The following MAST2 variants were observed in gnomAD, a reference collection of about 807,000 sequenced individuals.
MAST2 encodes the protein microtubule-associated serine/threonine-protein kinase 2.
A neutral mutation model predicts 147.4 loss-of-function variants in MAST2; 70 were observed. The ratio of observed to expected loss-of-function variants is 0.47; its 90% CI spans 0.39 to 0.58. The LOEUF (loss-of-function observed/expected upper bound fraction) is 0.58, where lower values mean the gene tolerates loss of function less well. Ranked by LOEUF, MAST2 falls within the 20% of genes least tolerant of loss-of-function variation. MAST2 has a pLI of 0.00. For missense variants in MAST2, 2,080 were observed against 2,302.3 expected (o/e 0.90, Z 1.98); for synonymous variants, 869 against 896.8 (o/e 0.97, Z 0.55).
At chr1:45,936,211 G>T (rs1294950139) in intron 4 of MAST2, among the ~76,000 whole-genome samples, 1 of 152,142 alleles carries the variant, frequency 6.6e-6, no homozygotes, top group East Asian at 1.9e-4. Flanking sequence ...TCATTGGAGT[G>T]TAGAATCACT....
chr1:46,026,663 T>G (rs1646426621), intron 16 of MAST2, among the ~76,000 whole-genome samples: 1 of 145,314 alleles, frequency 6.9e-6, no homozygotes, highest in African/African-American at 2.6e-5. Context: ...AGAAGAGGGG[T>G]AGTGTGGGGA....
intron 4 of MAST2, among the ~76,000 whole-genome samples, chr1:45,919,796 T>G (rs11211226): frequency 0.44 from 66,601 of 150,664 alleles, 14,794 homozygotes; most frequent in East Asian, 0.63. Flanking sequence ...TTCATGTTTT[T>G]TTTTTTTTTT....
intron 2 of MAST2, among the ~76,000 whole-genome samples, chr1:45,824,973 A>C (rs1425942068): frequency 6.6e-6 from 1 of 152,260 alleles, no homozygotes; most frequent in Non-Finnish European, 1.5e-5. Flanking sequence ...AATTATACGA[A>C]GAAGTCACAG....
chr1:45,828,902 C>T (rs1344479590), intron 2 of MAST2, among the ~76,000 whole-genome samples: 11 of 151,006 alleles, frequency 7.3e-5, no homozygotes, highest in Non-Finnish European at 1.3e-4. Context: ...CCAGCCTGGG[C>T]GACAGTGAGT....
At chr1:46,027,656 A>T (rs1646470949) in intron 16 of MAST2, 75 bp from the exon 17 acceptor site, 2 of 1,502,948 alleles carry the variant, frequency 1.3e-6, no homozygotes, top group Non-Finnish European at 1.8e-6. Context: ...GAGTGGGGAA[A>T]CTGGGCATAT....
At chr1:46,014,896 C>G (rs1180106477) in intron 10 of MAST2, among the ~76,000 whole-genome samples, 1 of 152,150 alleles carries the variant, frequency 6.6e-6, no homozygotes, top group Non-Finnish European at 1.5e-5. Context: ...CGCATCACAC[C>G]TATTCCAAAA....
intron 4 of MAST2, among the ~76,000 whole-genome samples, chr1:45,905,044 C>T (rs765690092): frequency 3.9e-5 from 6 of 152,096 alleles, no homozygotes; most frequent in Non-Finnish European, 8.8e-5. Flanking sequence ...CTCCTGAGCT[C>T]AAGTGATCCT....
intron 4 of MAST2, among the ~76,000 whole-genome samples, chr1:45,924,182 G>GT (rs910792347): frequency 2.3e-4 from 35 of 152,054 alleles, no homozygotes; most frequent in African/African-American, 8.0e-4. Context: ...AAATCCCTCT[G>GT]TTTTTTTAGG....
intron 3 of MAST2, among the ~76,000 whole-genome samples, chr1:45,846,694 G>A (rs1211183008): frequency 2.0e-5 from 3 of 151,846 alleles, no homozygotes; most frequent in African/African-American, 7.3e-5. Flanking sequence ...GCGTGGTGGC[G>A]GGTACCTGTA....
chr1:45,821,649 A>G (rs1232746508), intron 1 of MAST2, among the ~76,000 whole-genome samples: 2 of 149,700 alleles, frequency 1.3e-5, no homozygotes, highest in African/African-American at 4.9e-5. Flanking sequence ...CCTCCCGAGT[A>G]GCTGGAACTA....
chr1:46,027,361 T>C (rs1557502748), intron 16 of MAST2, among the ~76,000 whole-genome samples: 1 of 152,116 alleles, frequency 6.6e-6, no homozygotes, highest in African/African-American at 2.4e-5. Context: ...GCCACTCAGA[T>C]TGGGAGAGGG....
intron 19 of MAST2, 69 bp from the exon 20 acceptor site, chr1:46,029,762 G>A (rs2236560): frequency 0.44 from 700,686 of 1,576,120 alleles, 158,056 homozygotes; most frequent in Middle Eastern, 0.51. Context: ...CTGGCTTCTT[G>A]CTAGATTTGC....
rs536268871 is a variant in MAST2, at chr1:45,858,641, G to T, written c.469-23723G>T. On this transcript the variant is annotated intron_variant, in intron 3 of 28. Coordinates refer to ENST00000361297, the MANE Select transcript of MAST2 (RefSeq NM_015112.3). ...AATAAGATCCCATTTGTCAATTTTGGGTTTTGTTGCCATTGCTTTTGGTGT... is the reference window on the plus strand; with the variant it reads ...AATAAGATCCCATTTGTCAATTTTGTGTTTTGTTGCCATTGCTTTTGGTGT... Among the ~76,000 whole-genome samples the T allele has an allele frequency of 3.2e-4, 45 of 142,460 alleles. 1 individual carries two copies. The highest frequency in any genetic ancestry group is 1.1e-3 in the African/African-American group (43 of 38,280). 93.5% of individuals were successfully genotyped at this position (142,460 alleles called of 152,430 possible).
At chr1:45,929,394 T>A (rs1479336931) in intron 4 of MAST2, among the ~76,000 whole-genome samples, 1 of 152,100 alleles carries the variant, frequency 6.6e-6, no homozygotes, top group Non-Finnish European at 1.5e-5. Flanking sequence ...GGGGGGGAGT[T>A]GTTGGTGGTG....
chr1:45,827,491 C>G (rs1358071150), intron 2 of MAST2, among the ~76,000 whole-genome samples: 1 of 152,044 alleles, frequency 6.6e-6, no homozygotes, highest in Non-Finnish European at 1.5e-5. Flanking sequence ...TGATAGTAAT[C>G]TTTGTGTAAA....
intron 4 of MAST2, among the ~76,000 whole-genome samples, chr1:45,953,118 T>G (rs1659169303): frequency 6.6e-6 from 1 of 152,150 alleles, no homozygotes; most frequent in African/African-American, 2.4e-5. Context: ...GCTGGTTAAC[T>G]TTAGACATTG....
rs1016539423 is a variant in MAST2 at position 45,997,730 on chromosome 1, G to A, written c.599G>A (p.Ser200Asn). ...HSPLHGHTGN[S>N]PLDSPRNFSP... Reference sequence around the variant, plus strand: ...TTTCTTTTCCCATCCACAGGTAACAGTCCTTTGGACAGCCCCCGGAATTTC... The same window carrying A: ...TTTCTTTTCCCATCCACAGGTAACAATCCTTTGGACAGCCCCCGGAATTTC... Residue 200 changes from serine (S) to asparagine (N), a missense_variant, in exon 6 of 29, where the codon AGT becomes AAT. Transcript: ENST00000361297. The A allele has an allele frequency of 1.9e-6, 3 of 1,613,804 alleles. No individual in the cohort carries two copies.
intron 4 of MAST2, among the ~76,000 whole-genome samples, chr1:45,920,013 T>C (rs1433199369): frequency 6.6e-6 from 1 of 152,200 alleles, no homozygotes; most frequent in Non-Finnish European, 1.5e-5. Flanking sequence ...GAAGGAATAC[T>C]TTCAGGCTTT....
At chr1:45,926,888 T>C (rs931269236) in intron 4 of MAST2, among the ~76,000 whole-genome samples, 2 of 152,248 alleles carry the variant, frequency 1.3e-5, no homozygotes, top group Non-Finnish European at 2.9e-5. Flanking sequence ...TAATCCTGTA[T>C]GGCTAGATGC....
Sources: allele counts gnomAD v4.1 joint callset (sites outside exome capture counted in the v4.1 genomes callset), GRCh38; gene constraint gnomAD v4.1.1; transcripts MANE v1.5; gene names NCBI Gene and HGNC (gene_info 2026-07-23, HGNC 2026-07-21).